CCDC171: variants seen among roughly 807,000 people sequenced by gnomAD.
CCDC171 encodes coiled-coil domain containing 171.
In CCDC171, 177 loss-of-function variants were observed where a neutral mutation model predicts 168.2. The ratio of observed to expected loss-of-function variants is 1.05; its 90% CI spans 0.93 to 1.19. The LOEUF is 1.19. CCDC171 is among the 50% of genes most tolerant of loss of function. The pLI, the probability that CCDC171 is intolerant of heterozygous loss-of-function variation, is 0.00. For synonymous variants in CCDC171, 687 were observed against 540.8 expected (o/e 1.27, Z -3.75); for missense variants, 1,991 against 1,539.0 (o/e 1.29, Z -4.91).
intron 25 of CCDC171, among the ~76,000 whole-genome samples, chr9:15,968,728 G>A (rs13292610): frequency 0.011 from 1,741 of 151,976 alleles, 18 homozygotes; most frequent in South Asian, 0.039. Context: ...TAGCAGAGAC[G>A]AGGTTCCACC....
At chr9:15,911,188 C>T (rs1823577711) in intron 24 of CCDC171, among the ~76,000 whole-genome samples, 1 of 152,234 alleles carries the variant, frequency 6.6e-6, no homozygotes, top group South Asian at 2.1e-4. Flanking sequence ...CCTATTTCTT[C>T]ACATCCTCTC....
At chr9:15,905,470 C>G (rs1304894122) in intron 24 of CCDC171, among the ~76,000 whole-genome samples, 1 of 152,048 alleles carries the variant, frequency 6.6e-6, no homozygotes, top group Admixed American at 6.5e-5. Context: ...TTCTTTGAAA[C>G]CAACGAGAAC....
downstream of CCDC171, among the ~76,000 whole-genome samples, chr9:16,066,425 A>G (rs1833990884): frequency 6.6e-6 from 1 of 151,922 alleles, no homozygotes; most frequent in African/African-American, 2.4e-5. Flanking sequence ...ATAACCGTGA[A>G]GTCACGTGCT....
chr9:15,789,111 C>T (rs939542356), intron 21 of CCDC171, among the ~76,000 whole-genome samples: 1 of 152,102 alleles, frequency 6.6e-6, no homozygotes, highest in Non-Finnish European at 1.5e-5. Context: ...GAGGCAGATA[C>T]AGGTTGAGCA....
chr9:15,709,950 G>A (rs1416051377), intron 11 of CCDC171, among the ~76,000 whole-genome samples: 1 of 151,858 alleles, frequency 6.6e-6, no homozygotes, highest in East Asian at 1.9e-4. Flanking sequence ...AACCAATTTT[G>A]TTTCATCTAC....
chr9:15,654,479 A>C (rs2047766889), intron 7 of CCDC171, among the ~76,000 whole-genome samples: 1 of 152,236 alleles, frequency 6.6e-6, no homozygotes, highest in African/African-American at 2.4e-5. Flanking sequence ...TGATTTGCCC[A>C]GAAAGAAGTA....
intron 9 of CCDC171, among the ~76,000 whole-genome samples, chr9:15,667,238 T>G (rs941357175): frequency 6.6e-6 from 1 of 152,172 alleles, no homozygotes; most frequent in Non-Finnish European, 1.5e-5. Context: ...CTACCATTAG[T>G]ATGTGGCATG....
At chr9:15,854,458 A>G (rs534832571) in intron 23 of CCDC171, among the ~76,000 whole-genome samples, 6 of 151,542 alleles carry the variant, frequency 4.0e-5, no homozygotes, top group African/African-American at 1.5e-4. Flanking sequence ...TTCTGATTTT[A>G]GTAATTTAGT....
intron 6 of CCDC171, among the ~76,000 whole-genome samples, chr9:15,613,883 G>A (rs1361931410): frequency 6.6e-6 from 1 of 152,134 alleles, no homozygotes; most frequent in Non-Finnish European, 1.5e-5. Flanking sequence ...TGTTGATTGT[G>A]ACTTTTCTGT....
At chr9:15,630,940 G>C (rs2045630060) in intron 7 of CCDC171, among the ~76,000 whole-genome samples, 2 of 152,146 alleles carry the variant, frequency 1.3e-5, no homozygotes, top group African/African-American at 4.8e-5. Flanking sequence ...ATAACGAAAT[G>C]AAGACAGAAA....
At chr9:15,942,986 G>C (rs1827897698) in intron 25 of CCDC171, among the ~76,000 whole-genome samples, 2 of 151,936 alleles carry the variant, frequency 1.3e-5, no homozygotes, top group African/African-American at 4.8e-5. Context: ...AGCTTTAACT[G>C]CTGAACCCAA....
chr9:15,813,994 C>G (rs771576867), intron 21 of CCDC171, among the ~76,000 whole-genome samples: 16 of 152,152 alleles, frequency 1.1e-4, no homozygotes, highest in Non-Finnish European at 2.1e-4. Flanking sequence ...TTTGCAGTTT[C>G]AGTAAATGGA....
chr9:16,068,215 A>G, the CCDC171 span, among the ~76,000 whole-genome samples: 1 of 150,458 alleles, frequency 6.6e-6, no homozygotes, highest in African/African-American at 2.5e-5. Flanking sequence ...CAATTGCTTC[A>G]AAGAGAATAA....
chr9:15,654,967 G>T lies in CCDC171; in HGVS notation c.823-2160G>T, dbSNP rs538078110. The stretch of plus-strand genomic sequence containing the variant: ...AAACACCGCCTGTTCTCACTCTTAG[G>T]TGGGAATTGAACAATGAGAACACAT... On this transcript the variant is annotated intron_variant, in intron 7 of 25. Coordinates refer to ENST00000380701, the MANE Select transcript of CCDC171 (RefSeq NM_173550.4). Among the ~76,000 whole-genome samples the T allele has an allele frequency of 3.9e-5, 6 of 152,270 alleles. No homozygotes were observed. In the East Asian group the frequency reaches 1.2e-3, roughly 29 times the overall value.
At chr9:15,837,186 A>G (rs1257799698) in intron 21 of CCDC171, among the ~76,000 whole-genome samples, 4 of 152,170 alleles carry the variant, frequency 2.6e-5, no homozygotes, top group Admixed American at 6.5e-5. Context: ...ACGTTCTACA[A>G]TATGTACTCA....
At chr9:15,630,905 C>T (rs1428451598) in intron 7 of CCDC171, among the ~76,000 whole-genome samples, 1 of 152,142 alleles carries the variant, frequency 6.6e-6, no homozygotes, top group Non-Finnish European at 1.5e-5. Flanking sequence ...ACTGAACAAC[C>T]TGCTCCTGAA....
chr9:15,637,545 T>G (rs1233537948), intron 7 of CCDC171, among the ~76,000 whole-genome samples: 1 of 151,786 alleles, frequency 6.6e-6, no homozygotes, highest in African/African-American at 2.4e-5. Context: ...TGTATACATG[T>G]GCCATGCTGG....
intron 21 of CCDC171, among the ~76,000 whole-genome samples, chr9:15,800,525 T>C (rs1298543442): frequency 2.0e-5 from 3 of 152,178 alleles, no homozygotes; most frequent in African/African-American, 7.2e-5. Flanking sequence ...CCTTGTCAGA[T>C]GGACAGTTTG....
At chr9:15,563,583 C>CGGT in intron 1 of CCDC171, among the ~76,000 whole-genome samples, 1 of 152,174 alleles carries the variant, frequency 6.6e-6, no homozygotes, top group East Asian at 1.9e-4. Context: ...AGATGAATGA[C>CGGT]GGTGGTATTC....
Sources: allele counts gnomAD v4.1 joint callset (sites outside exome capture counted in the v4.1 genomes callset), GRCh38; gene constraint gnomAD v4.1.1; transcripts MANE v1.5; gene names NCBI Gene and HGNC (gene_info 2026-07-23, HGNC 2026-07-21).